GFRA1: variants seen among roughly 807,000 people sequenced by gnomAD.
The protein encoded by GFRA1 is GDNF family receptor alpha-1.
GFRA1 carries 16 observed loss-of-function variants against 51.6 expected under a neutral mutation model. The ratio of observed to expected loss-of-function variants is 0.31; its 90% CI spans 0.21 to 0.47. The LOEUF (loss-of-function observed/expected upper bound fraction) is 0.47, where lower values mean the gene tolerates loss of function less well. GFRA1 is among the 20% of genes least tolerant of loss of function. GFRA1 has a pLI of 1.00. For synonymous variants in GFRA1, 270 were observed against 241.3 expected (o/e 1.12, Z -1.10); for missense variants, 530 against 594.3 (o/e 0.89, Z 1.13).
chr10:116,125,738 C>T (rs1049913996), intron 5 of GFRA1, among the ~76,000 whole-genome samples, 181 bp from the exon 6 acceptor site: 1 of 152,148 alleles, frequency 6.6e-6, no homozygotes, highest in African/African-American at 2.4e-5. Context: ...GTACAAATAC[C>T]AGGAGTCTAC....
intron 5 of GFRA1, among the ~76,000 whole-genome samples, chr10:116,199,170 G>C (rs575894801): frequency 6.6e-6 from 1 of 152,306 alleles, no homozygotes; most frequent in African/African-American, 2.4e-5. Flanking sequence ...ATAGATTTCT[G>C]TTGCTTTACA....
intron 9 of GFRA1, among the ~76,000 whole-genome samples, chr10:116,069,754 C>T (rs542065597): frequency 6.6e-6 from 1 of 152,334 alleles, no homozygotes; most frequent in Non-Finnish European, 1.5e-5. Flanking sequence ...GTGGTGCCAG[C>T]AGCTTTCCTG....
chr10:116,111,234 G>A (rs1050516829), intron 6 of GFRA1, among the ~76,000 whole-genome samples: 1 of 152,196 alleles, frequency 6.6e-6, no homozygotes, highest in Admixed American at 6.5e-5. Context: ...CCAGCCAAAC[G>A]GATTCCAATC....
intron 6 of GFRA1, among the ~76,000 whole-genome samples, chr10:116,120,237 T>A (rs1957587837): frequency 6.6e-6 from 1 of 152,176 alleles, no homozygotes; most frequent in Admixed American, 6.5e-5. Context: ...AGGTTCAGCA[T>A]TATCAGAATC....
At chr10:116,117,221 G>A (rs151171491) in intron 6 of GFRA1, among the ~76,000 whole-genome samples, 27 of 152,246 alleles carry the variant, frequency 1.8e-4, no homozygotes, top group East Asian at 3.9e-4. Flanking sequence ...CAGTGAATGC[G>A]TTGTTGTTGT....
intron 9 of GFRA1, among the ~76,000 whole-genome samples, chr10:116,084,410 ATC>A (rs1589772915): frequency 6.6e-6 from 1 of 152,268 alleles, no homozygotes; most frequent in East Asian, 1.9e-4. Flanking sequence ...CACAAAAGTA[ATC>A]TCTAACTTTG....
intron 4 of GFRA1, among the ~76,000 whole-genome samples, chr10:116,265,441 C>G (rs1272304509): frequency 6.6e-6 from 1 of 152,218 alleles, no homozygotes; most frequent in Non-Finnish European, 1.5e-5. Context: ...AGAGGTGCTT[C>G]TGTCCTCCCT....
In GFRA1 at chr10:116,117,124, C is replaced by G. The variant is rs78951377; in HGVS notation, c.770+8097G>C. On this transcript the variant is annotated intron_variant, in intron 6 of 10. Coordinates refer to ENST00000355422, the MANE Select transcript of GFRA1 (RefSeq NM_005264.8). ...CAGGGTGACCCTTGGGCTGGCCACTCCACTGATCATCCCCTTGCAGGGTGG... is the reference window on the plus strand; with the variant it reads ...CAGGGTGACCCTTGGGCTGGCCACTGCACTGATCATCCCCTTGCAGGGTGG... 4.6e-5 allele frequency among the ~76,000 whole-genome samples: 7 copies of G among 152,320 alleles called. No homozygotes were observed. The East Asian group carries it at 9.7e-4, about 21-fold the overall frequency.
intron 6 of GFRA1, among the ~76,000 whole-genome samples, chr10:116,098,061 G>C (rs879931314): frequency 6.6e-6 from 1 of 152,154 alleles, no homozygotes; most frequent in Non-Finnish European, 1.5e-5. Context: ...TGTAAACAAG[G>C]CTTGCCCAGG....
chr10:116,211,106 C>T (rs1298916048), intron 5 of GFRA1, among the ~76,000 whole-genome samples: 2 of 152,224 alleles, frequency 1.3e-5, no homozygotes, highest in African/African-American at 4.8e-5. Context: ...CACACCCTCA[C>T]CTGGGTGACA....
At chr10:116,080,527 CG>C (rs1955805065) in intron 9 of GFRA1, among the ~76,000 whole-genome samples, 1 of 152,172 alleles carries the variant, frequency 6.6e-6, no homozygotes, top group Non-Finnish European at 1.5e-5. Flanking sequence ...AGAAGTTTCA[CG>C]GTGCATCTCT....
At chr10:116,228,996 A>G (rs1254824292) in intron 4 of GFRA1, among the ~76,000 whole-genome samples, 2 of 149,004 alleles carry the variant, frequency 1.3e-5, no homozygotes, top group Non-Finnish European at 1.5e-5. Context: ...AAAAAAAAAA[A>G]AAAAAAAAAA....
Position 116,271,087 on chromosome 10 carries a change from G to A in GFRA1, c.69C>T (p.Gly23=). Residue 23 remains glycine (G), a synonymous_variant, in exon 3 of 11, where the codon GGC becomes GGT. Coordinates refer to ENST00000355422, the MANE Select transcript of GFRA1 (RefSeq NM_005264.8). ...CTTTCACGCAATCCAGGCGGTCTCC[G>A]CCGCTCACTTCGGCCGACAGGAGCA... ...LDLLLSAEVS[G]GDRLDCVKAS... 6.2e-7 allele frequency: 1 copy of A among 1,608,742 alleles called. No individual in the cohort carries two copies. Among genetic ancestry groups the A allele is most frequent in the African/African-American group, 1.3e-5 (1 of 74,946 alleles).
intron 4 of GFRA1, among the ~76,000 whole-genome samples, chr10:116,251,266 T>C (rs7078853): frequency 0.37 from 56,706 of 152,112 alleles, 11,880 homozygotes; most frequent in Non-Finnish European, 0.49. Context: ...TAGACATTTG[T>C]TGATGGACCG....
chr10:116,244,614 G>A (rs1967717599), intron 4 of GFRA1, among the ~76,000 whole-genome samples: 1 of 151,530 alleles, frequency 6.6e-6, no homozygotes, highest in Admixed American at 6.6e-5. Context: ...ACAAAACATA[G>A]AAGGAGAGAG....
intron 4 of GFRA1, among the ~76,000 whole-genome samples, chr10:116,219,301 G>A (rs117449631): frequency 0.013 from 1,935 of 152,226 alleles, 19 homozygotes; most frequent in Non-Finnish European, 0.019. Context: ...AGTTATGTCC[G>A]AGTCTGCTAG....
chr10:116,198,284 A>G (rs1310317836), intron 5 of GFRA1, among the ~76,000 whole-genome samples: 2 of 152,196 alleles, frequency 1.3e-5, no homozygotes, highest in Admixed American at 1.3e-4. Flanking sequence ...AGGTTTCATC[A>G]GGTTTGGATA....
At chr10:116,158,776 G>A (rs536106358) in intron 5 of GFRA1, among the ~76,000 whole-genome samples, 124 of 152,312 alleles carry the variant, frequency 8.1e-4, no homozygotes, top group African/African-American at 2.6e-3. Context: ...CAGAAAGCTG[G>A]AGCCCAGTAC....
chr10:116,177,964 C>T (rs1961795692), intron 5 of GFRA1, among the ~76,000 whole-genome samples: 1 of 152,200 alleles, frequency 6.6e-6, no homozygotes, highest in Non-Finnish European at 1.5e-5. Context: ...TGAGCTAATT[C>T]TGCCATATCC....
Sources: allele counts gnomAD v4.1 joint callset (sites outside exome capture counted in the v4.1 genomes callset), GRCh38; gene constraint gnomAD v4.1.1; transcripts MANE v1.5; gene names NCBI Gene and HGNC (gene_info 2026-07-23, HGNC 2026-07-21).